LARS2: variants seen among roughly 807,000 people sequenced by gnomAD.
The protein encoded by LARS2 is leucine--tRNA ligase, mitochondrial.
Under a neutral mutation model 116.6 loss-of-function variants are expected in LARS2, and 81 were observed. The observed-to-expected ratio is 0.69, with a 90% CI of 0.58 to 0.84. The LOEUF (loss-of-function observed/expected upper bound fraction) is 0.84. Among genes scored for constraint, LARS2 ranks in the 40% least tolerant of loss-of-function variants. LARS2 has a pLI of 0.00. For missense variants in LARS2, 968 were observed against 1,114.5 expected, an observed-to-expected ratio of 0.87 and a Z score of 1.87; for synonymous variants, 396 against 407.2, an observed-to-expected ratio of 0.97 and a Z score of 0.33.
chr3:45,488,935 C>CT, intron 12 of LARS2, 123 bp downstream of exon 12: 1 of 721,118 alleles, frequency 1.4e-6, no homozygotes, highest in Non-Finnish European at 2.5e-6. Context: ...GCCTTGTGGC[C>CT]TCATATCTAT....
Position 45,419,729 on chromosome 3 carries a change from G to A in LARS2, c.516G>A (p.Arg172=). Residue 172 remains arginine (R), a splice_region_variant and synonymous_variant, in exon 6 of 22, where the codon AGG becomes AGA. Transcript: ENST00000645846. The part of the protein sequence containing the change: ...DRLGLCFSWD[R]EITTCLPDYY... ...TGGGCCTGTGTTTCAGCTGGGATAG[G>A]GTAAGTCAACTCTTTTTCCTGAAAG... is the stretch of plus-strand genomic sequence containing the variant. 6.2e-7 allele frequency: 1 copy of A among 1,612,268 alleles called. No homozygotes were observed. The highest frequency in any genetic ancestry group is 8.5e-7 in the Non-Finnish European group (1 of 1,178,394).
At chr3:45,419,553 A>T in intron 5 of LARS2, 116 bp from the exon 6 acceptor site, 1 of 800,618 alleles carries the variant, frequency 1.2e-6, no homozygotes, top group Non-Finnish European at 2.1e-6. Flanking sequence ...AGCAACACTT[A>T]AAACCCATTT....
chr3:45,415,224 A>G (rs1183770277), intron 4 of LARS2, among the ~76,000 whole-genome samples: 1 of 152,198 alleles, frequency 6.6e-6, no homozygotes, highest in African/African-American at 2.4e-5. Context: ...TGGGGGGTAG[A>G]GGATATATCT....
intron 10 of LARS2, among the ~76,000 whole-genome samples, chr3:45,478,341 T>A (rs1017997964): frequency 6.6e-6 from 1 of 152,188 alleles, no homozygotes; most frequent in African/African-American, 2.4e-5. Context: ...CATGTAAACA[T>A]CTCTAGCCCT....
intron 6 of LARS2, among the ~76,000 whole-genome samples, chr3:45,431,553 A>G (rs1326079148): frequency 6.6e-6 from 1 of 152,206 alleles, no homozygotes; most frequent in African/African-American, 2.4e-5. Context: ...GTATAGAGGC[A>G]GTTCATGTAT....
At chr3:45,393,751 G>A (rs1697997382) in intron 2 of LARS2, among the ~76,000 whole-genome samples, 1 of 152,104 alleles carries the variant, frequency 6.6e-6, no homozygotes, top group African/African-American at 2.4e-5. Context: ...TTGAGCCCAG[G>A]AGTCAGAGGT....
chr3:45,471,744 G>A (rs1699528348), intron 8 of LARS2, among the ~76,000 whole-genome samples: 1 of 152,192 alleles, frequency 6.6e-6, no homozygotes, highest in South Asian at 2.1e-4. Flanking sequence ...TCTTTGGAGA[G>A]GAAAAGCTAT....
At chr3:45,464,910 G>T (rs1390567973) in intron 8 of LARS2, among the ~76,000 whole-genome samples, 1 of 152,160 alleles carries the variant, frequency 6.6e-6, no homozygotes, top group African/African-American at 2.4e-5. Context: ...AAGCTCTGTG[G>T]CTTCGAAGCT....
chr3:45,448,583 A>T (rs538982356), intron 7 of LARS2, among the ~76,000 whole-genome samples: 1 of 152,102 alleles, frequency 6.6e-6, no homozygotes, highest in African/African-American at 2.4e-5. Context: ...ACAGAGATTT[A>T]CCCACATATT....
chr3:45,418,680 A>G (rs553938013), intron 5 of LARS2, among the ~76,000 whole-genome samples: 191 of 152,320 alleles, frequency 1.3e-3, no homozygotes, highest in South Asian at 7.9e-3. Flanking sequence ...GAGTAGTTGT[A>G]ATAGAGACTG....
intron 15 of LARS2, among the ~76,000 whole-genome samples, chr3:45,507,925 G>A (rs940206716): frequency 6.6e-6 from 1 of 152,040 alleles, no homozygotes; most frequent in Non-Finnish European, 1.5e-5. Flanking sequence ...GTGGTTGTGG[G>A]TGTGGGGTAG....
chr3:45,455,178 A>G (rs1308554100), intron 7 of LARS2, among the ~76,000 whole-genome samples: 1 of 150,868 alleles, frequency 6.6e-6, no homozygotes, highest in African/African-American at 2.4e-5. Flanking sequence ...ATGATGTGCA[A>G]ACCTCTTAGG....
chr3:45,413,520 C>T (rs1012489422), intron 4 of LARS2, among the ~76,000 whole-genome samples: 2 of 152,184 alleles, frequency 1.3e-5, no homozygotes, highest in Non-Finnish European at 2.9e-5. Flanking sequence ...AGTAATGTGC[C>T]TCAGGCTCCA....
At chr3:45,474,742 G>T (rs879866955) in intron 9 of LARS2, among the ~76,000 whole-genome samples, 8 of 152,164 alleles carry the variant, frequency 5.3e-5, no homozygotes, top group Admixed American at 3.3e-4. Flanking sequence ...CAGACACAGA[G>T]GGTCTTCAGG....
rs542331872 is a variant in LARS2, at chr3:45,514,947, C to G, written c.1862-1147C>G. ...CTTTTCCCTTCCCACGTAGTCTTGC[C>G]TACTGGGTGAGAATACTTTGATCAG... On this transcript the variant is annotated intron_variant, in intron 16 of 21. Transcript: ENST00000645846. Among the ~76,000 whole-genome samples, 8 of 152,284 alleles carry G rather than the reference C, an allele frequency of 5.3e-5. No individual in the cohort carries two copies. The South Asian group carries it at 1.7e-3, about 32-fold the overall frequency.
intron 4 of LARS2, among the ~76,000 whole-genome samples, chr3:45,410,668 T>A (rs1367463667): frequency 6.6e-6 from 1 of 152,146 alleles, no homozygotes; most frequent in Non-Finnish European, 1.5e-5. Context: ...CCAGCTTTAT[T>A]TTCTCAGACA....
intron 14 of LARS2, 27 bp downstream of exon 14, chr3:45,496,400 A>G: frequency 6.6e-7 from 1 of 1,525,198 alleles, no homozygotes; most frequent in Non-Finnish European, 9.1e-7. Context: ...GATGTCTTTG[A>G]GCATTTGTCA....
At chr3:45,511,414 G>A (rs1400306290) in intron 15 of LARS2, among the ~76,000 whole-genome samples, 4 of 152,156 alleles carry the variant, frequency 2.6e-5, no homozygotes, top group African/African-American at 9.7e-5. Flanking sequence ...GGGGCCCATA[G>A]TGAGGAGACA....
At chr3:45,513,003 G>A in intron 15 of LARS2, 132 bp from the exon 16 acceptor site, 2 of 681,512 alleles carry the variant, frequency 2.9e-6, no homozygotes, top group Non-Finnish European at 5.3e-6. Context: ...GTTTATAAGT[G>A]GCCTTGGTCA....
Sources: gnomAD v4.1 joint callset for allele counts (sites outside exome capture counted in the v4.1 genomes callset) on GRCh38, gnomAD v4.1.1 for gene constraint, MANE v1.5 for transcripts, NCBI Gene and HGNC (gene_info 2026-07-23, HGNC 2026-07-21) for gene names.